The following IL5 variants were observed in gnomAD, a reference collection of about 807,000 sequenced individuals.
IL5 encodes the protein interleukin 5.
Under a neutral mutation model 16.3 loss-of-function variants are expected in IL5, and 12 were observed. The observed-to-expected ratio is 0.74, with a 90% CI of 0.47 to 1.20. The LOEUF is 1.20. Among genes scored for constraint, IL5 ranks in the 50% most tolerant of loss-of-function variants. The pLI is 0.00. For synonymous variants in IL5, 54 were observed against 56.6 expected (o/e 0.95, Z 0.21); for missense variants, 159 against 153.9 (o/e 1.03, Z -0.17).
chr5:132,545,167 A>G (rs923377729), upstream of IL5, among the ~76,000 whole-genome samples: 1 of 152,190 alleles, frequency 6.6e-6, no homozygotes. Flanking sequence ...TTAAAATGGT[A>G]TTCTCAGAAA....
intron 1 of IL5, among the ~76,000 whole-genome samples, chr5:132,554,742 C>G (rs1749944896): frequency 6.6e-6 from 1 of 152,110 alleles, no homozygotes; most frequent in African/African-American, 2.4e-5. Flanking sequence ...CATTTGTACA[C>G]CAATATATAT....
At chr5:132,549,765 A>G (rs751329510) in intron 1 of IL5, among the ~76,000 whole-genome samples, 24 of 152,200 alleles carry the variant, frequency 1.6e-4, no homozygotes, top group Non-Finnish European at 2.9e-4. Flanking sequence ...AACTGATTCT[A>G]ATCAACTGAG....
chr5:132,547,320 C>A (rs974372334), upstream of IL5, among the ~76,000 whole-genome samples: 1 of 152,188 alleles, frequency 6.6e-6, no homozygotes, highest in African/African-American at 2.4e-5. Context: ...ACAGCATGTA[C>A]CTTTGATTTG....
At chr5:132,546,396 G>C (rs1749788159), upstream of IL5, among the ~76,000 whole-genome samples, 1 of 152,022 alleles carries the variant, frequency 6.6e-6, no homozygotes, top group Non-Finnish European at 1.5e-5. Context: ...CTGATATACA[G>C]TACTTGGCTT....
At position 132,542,097 on chromosome 5, in the gene IL5, T is replaced by C. The variant is rs201859924; in HGVS notation, c.224A>G (p.Glu75Gly). Residue 75 changes from glutamate (E) to glycine (G), a missense_variant, in exon 3 of 4, where the codon GAG becomes GGG. Transcript: ENST00000231454. ...AGTACCCCCTTGCACAGTTTGACTC[T>C]CCAGTGTGCCTATTCCCTGAAAGAT... is the stretch of plus-strand genomic sequence containing the variant. Reference protein sequence around the residue: ...EEIFQGIGTLESQTVQGGTVE... With the variant: ...EEIFQGIGTLGSQTVQGGTVE... 2 of 1,613,178 alleles carry C rather than the reference T, an allele frequency of 1.2e-6. No homozygotes were observed. Among genetic ancestry groups the C allele is most frequent in the Non-Finnish European group, 1.7e-6 (2 of 1,179,178 alleles).
upstream of IL5, among the ~76,000 whole-genome samples, chr5:132,546,067 C>T (rs1052433433): frequency 5.3e-5 from 8 of 151,928 alleles, no homozygotes; most frequent in Non-Finnish European, 4.4e-5. Context: ...CTCTGTTTTA[C>T]AGCAAAACTG....
chr5:132,556,632 A>T, intron 1 of IL5: 1 of 1,156,534 alleles, frequency 8.6e-7, no homozygotes, highest in South Asian at 1.7e-5. Flanking sequence ...CGTTAGAGAG[A>T]GAATGAGAAT....
Position 132,541,988 on chromosome 5 carries a change from AGC to A in IL5, c.306+25_306+26del. 2.5e-6 allele frequency: 4 copies of A among 1,613,530 alleles called. No homozygotes were observed. In the South Asian group the frequency reaches 4.4e-5, roughly 18 times the overall value. The stretch of plus-strand genomic sequence containing the variant: ...GAAATAGGCACAGCCAGACAAATAT[AGC>A]TTCCATTGAATGTGTGTAACTTACT... On this transcript the variant is annotated intron_variant, in intron 3 of 3. Transcript: ENST00000231454.
chr5:132,543,111 C>A lies in IL5; in HGVS notation c.160G>T (p.Val54Phe), dbSNP rs150829213. 1.9e-5 allele frequency: 30 copies of A among 1,605,670 alleles called. No individual in the cohort carries two copies. The highest frequency in any genetic ancestry group is 2.4e-5 in the Non-Finnish European group (28 of 1,173,210). The change falls in exon 2 of 4, where the codon GTT becomes TTT. Residue 54 changes from valine (V) to phenylalanine (F), a missense_variant. Val to Phe is a conservative substitution (Grantham distance 50). Coordinates refer to ENST00000231454, the MANE Select transcript of IL5 (RefSeq NM_000879.3). ...LIANETLRIP[V>F]PVHKNHQLCT... The stretch of plus-strand genomic sequence containing the variant: ...TAACTTACATTTTTATGTACAGGAA[C>A]AGGAATCCTCAGAGTCTGGAGAGGA...
intron 1 of IL5, 79 bp downstream of exon 1, chr5:132,543,256 T>C (rs539027225): frequency 1.3e-5 from 18 of 1,422,810 alleles, no homozygotes; most frequent in Non-Finnish European, 1.6e-5. Flanking sequence ...TTATAACAGA[T>C]CTCTATATAT....
intron 1 of IL5, among the ~76,000 whole-genome samples, chr5:132,551,806 C>G (rs1472680290): frequency 6.6e-6 from 1 of 151,826 alleles, no homozygotes; most frequent in Non-Finnish European, 1.5e-5. Context: ...TTTTTATGAC[C>G]AAAAATATGT....
Position 132,541,822 on chromosome 5 carries a change from T to C in IL5, c.394A>G (p.Ile132Val). The C allele has an allele frequency of 6.2e-7, 1 of 1,610,522 alleles. No homozygotes were observed. The highest frequency in any genetic ancestry group is 8.5e-7 in the Non-Finnish European group (1 of 1,177,172). ...FLGVMNTEWIIES is the reference protein window; with the variant it reads ...FLGVMNTEWIVES ...AAACCAGTTTAGTCTCAACTTTCTA[T>C]TATCCACTCGGTGTTCATTACACCA... The change falls in exon 4 of 4, where the codon ATA becomes GTA. Residue 132 changes from isoleucine (I) to valine (V), a missense_variant. Transcript: ENST00000231454.
chr5:132,549,296 C>T (rs549365376), intron 1 of IL5, among the ~76,000 whole-genome samples: 12 of 152,244 alleles, frequency 7.9e-5, no homozygotes, highest in East Asian at 1.9e-4. Flanking sequence ...CCTCGTGATC[C>T]GCCCGCCTCG....
intron 2 of IL5, 145 bp downstream of exon 2, chr5:132,542,949 T>A (rs2149823003): frequency 1.6e-6 from 1 of 633,830 alleles, no homozygotes; most frequent in East Asian, 2.9e-5. Flanking sequence ...TTCCTCATAT[T>A]TATAAGTACA....
chr5:132,543,469 G>GC lies in IL5; in HGVS notation c.9dup (p.Leu4AlafsTer45). The GC allele has an allele frequency of 1.9e-6, 3 of 1,614,062 alleles. No homozygotes were observed. Among genetic ancestry groups the GC allele is most frequent in the Non-Finnish European group, 2.5e-6 (3 of 1,179,954 alleles). On this transcript the variant is annotated frameshift_variant, in exon 1 of 4. Coordinates refer to ENST00000231454, the MANE Select transcript of IL5 (RefSeq NM_000879.3). LOFTEE classifies it high-confidence loss of function. ...AGAGCTAGCAAACTCAAATGCAGAA[G>GC]CATCCTCATGGCTCTGAAACGTTCT...
upstream of IL5, among the ~76,000 whole-genome samples, chr5:132,545,245 T>C (rs539319775): frequency 1.1e-4 from 16 of 152,340 alleles, no homozygotes; most frequent in African/African-American, 3.8e-4. Flanking sequence ...TGATTCCCCC[T>C]GACACCTTTA....
At chr5:132,546,762 A>C (rs1337225818), upstream of IL5, among the ~76,000 whole-genome samples, 1 of 152,188 alleles carries the variant, frequency 6.6e-6, no homozygotes, top group Non-Finnish European at 1.5e-5. Flanking sequence ...ATGGTGGCTC[A>C]CACCTGTAAT....
chr5:132,546,391 A>G (rs187907218), upstream of IL5, among the ~76,000 whole-genome samples: 7 of 152,244 alleles, frequency 4.6e-5, 1 homozygote, highest in Non-Finnish European at 1.0e-4. Flanking sequence ...GGTACCTGAT[A>G]TACAGTACTT....
intron 1 of IL5, among the ~76,000 whole-genome samples, chr5:132,552,986 A>C (rs150918114): frequency 8.5e-5 from 13 of 152,202 alleles, no homozygotes; most frequent in African/African-American, 3.1e-4. Context: ...CGCCTGCCTC[A>C]GAGAATTTTT....
Sources: allele counts gnomAD v4.1 joint callset (sites outside exome capture counted in the v4.1 genomes callset), GRCh38; gene constraint gnomAD v4.1.1; transcripts MANE v1.5; gene names NCBI Gene and HGNC (gene_info 2026-07-23, HGNC 2026-07-21).